PROSER2: variants seen among roughly 807,000 people sequenced by gnomAD.
PROSER2 encodes the protein proline and serine rich 2.
In PROSER2, 18 loss-of-function variants were observed where a neutral mutation model predicts 14.6. The ratio of observed to expected loss-of-function variants is 1.23; its 90% CI spans 0.85 to 1.83. The LOEUF (loss-of-function observed/expected upper bound fraction) is 1.83, where lower values mean the gene tolerates loss of function less well. PROSER2 is among the 40% of genes most tolerant of loss of function. The pLI is 0.00. For synonymous variants in PROSER2, 367 were observed against 286.4 expected, an observed-to-expected ratio of 1.28 and a Z score of -2.84; for missense variants, 823 against 629.8, an observed-to-expected ratio of 1.31 and a Z score of -3.28.
intron 1 of PROSER2, among the ~76,000 whole-genome samples, chr10:11,840,075 C>T (rs925378121): frequency 2.6e-5 from 4 of 151,616 alleles, no homozygotes; most frequent in Admixed American, 2.0e-4. Flanking sequence ...GCCTCAGCCT[C>T]CCAAGTAGCT....
At position 11,838,343 on chromosome 10, in the gene PROSER2, A is replaced by G. The variant is rs753607901; in HGVS notation, c.-81-13654A>G. On this transcript the variant is annotated intron_variant, in intron 1 of 3. Transcript: ENST00000277570. The surrounding 1 kb of genome is among the most constrained non-coding windows in gnomAD (Gnocchi z 4.4). ...GCTTTGAAGGTCTGTGCATGGCCTC[A>G]TCCAGCTGATCTAACTGATGTGCAG... Among the ~76,000 whole-genome samples, 58 of 152,242 alleles carry G rather than the reference A, an allele frequency of 3.8e-4. No homozygotes were observed. The highest frequency in any genetic ancestry group is 1.1e-3 in the Admixed American group (17 of 15,286).
In PROSER2 at chr10:11,866,418, A is replaced by G; in HGVS notation, c.139-113A>G. 1 of 1,286,870 alleles carries G rather than the reference A, an allele frequency of 7.8e-7. No homozygotes were observed. Among genetic ancestry groups the G allele is most frequent in the Non-Finnish European group, 1.1e-6 (1 of 917,594 alleles). 79.7% of individuals were successfully genotyped at this position (1,286,870 alleles called of 1,614,324 possible). ...CTGTGTGGCAGGGTACTCTCGGGAC[A>G]CAGTGAGTTCCGCCCTGGGCTGTGG... On this transcript the variant is annotated intron_variant, in intron 2 of 3. Transcript: ENST00000277570. The surrounding 1 kb of genome is among the most constrained non-coding windows in gnomAD (Gnocchi z 6.0).
At chr10:11,840,297 G>A (rs1275718469) in intron 1 of PROSER2, among the ~76,000 whole-genome samples, 2 of 149,762 alleles carry the variant, frequency 1.3e-5, no homozygotes, top group Non-Finnish European at 3.0e-5. Flanking sequence ...CTCTTATTTA[G>A]TTAACAAAAA....
chr10:11,867,901 G>A (rs1834386538), intron 3 of PROSER2, among the ~76,000 whole-genome samples: 2 of 152,220 alleles, frequency 1.3e-5, no homozygotes, highest in Admixed American at 1.3e-4. Context: ...AACATTGGAA[G>A]GGATGAGGAA....
intron 1 of PROSER2, among the ~76,000 whole-genome samples, chr10:11,848,922 C>T (rs1833969490): frequency 1.3e-5 from 2 of 152,298 alleles, no homozygotes; most frequent in East Asian, 1.9e-4. Flanking sequence ...GGTGTGGTGG[C>T]TCACGCCTGT....
intron 1 of PROSER2, 73 bp from the exon 2 acceptor site, chr10:11,851,924 A>T (rs1834024978): frequency 2.9e-6 from 2 of 688,072 alleles, no homozygotes; most frequent in Admixed American, 8.1e-5. Context: ...AATCTAAGCC[A>T]TGTTTTTGAG....
chr10:11,830,389 C>T lies in PROSER2; in HGVS notation c.-82+6919C>T, dbSNP rs1052145229. ...TCATTTTTATGGCTGAGTAGTCGTC[C>T]GTGGTGTTTATATACCACATTTTCT... On this transcript the variant is annotated intron_variant, in intron 1 of 3. Coordinates refer to ENST00000277570, the MANE Select transcript of PROSER2 (RefSeq NM_153256.4). The surrounding 1 kb of genome is among the most constrained non-coding windows in gnomAD (Gnocchi z 4.5). Among the ~76,000 whole-genome samples the T allele has an allele frequency of 3.9e-5, 6 of 152,130 alleles. No homozygotes were observed. The highest frequency in any genetic ancestry group is 4.8e-5 in the African/African-American group (2 of 41,430).
At chr10:11,857,943 T>C (rs1421767794) in intron 2 of PROSER2, among the ~76,000 whole-genome samples, 4 of 152,030 alleles carry the variant, frequency 2.6e-5, no homozygotes, top group East Asian at 1.9e-4. Context: ...TTCTTTTTTT[T>C]TCCCCCCCAA....
rs374205712 is a variant in PROSER2 at position 11,826,794 on chromosome 10, A to G, written c.-82+3324A>G. 2.1e-4 allele frequency among the ~76,000 whole-genome samples: 32 copies of G among 149,616 alleles called. No individual in the cohort carries two copies. In the East Asian group the frequency reaches 4.0e-3, roughly 19 times the overall value. On this transcript the variant is annotated intron_variant, in intron 1 of 3. Transcript: ENST00000277570. ...TCGGGGTTTCGCCGTGTTAGCCAGG[A>G]TGGTCTTGATCTCCTGACCTCGTGA... is the stretch of plus-strand genomic sequence containing the variant.
rs1834475650 is a variant in PROSER2 at position 11,870,865 on chromosome 10, C to CTTGT, written c.*462_*465dup. 1 of 167,094 alleles carries CTTGT rather than the reference C, an allele frequency of 6.0e-6. No homozygotes were observed. The highest frequency in any genetic ancestry group is 2.1e-4 in the South Asian group (1 of 4,834). The allele number at this position is 167,094 out of a possible 1,614,324, so 10.4% of individuals were successfully genotyped here. A position where few individuals can be genotyped will look rare whatever the true frequency, so the allele number is the denominator to read the frequency against. On this transcript the variant is annotated 3_prime_UTR_variant, in exon 4 of 4. Transcript: ENST00000277570. ...TCTAAGAAAATAATAAAAAAAAATGCTTGTTTCATTTTTTAATGTCTTAAT... is the reference window on the plus strand; with the variant it reads ...TCTAAGAAAATAATAAAAAAAAATGCTTGTTTGTTTCATTTTTTAATGTCTTAAT...
intron 1 of PROSER2, among the ~76,000 whole-genome samples, chr10:11,841,047 T>C (rs1045437491): frequency 6.8e-6 from 1 of 146,066 alleles, no homozygotes; most frequent in African/African-American, 2.5e-5. Flanking sequence ...GTTGGAGTTA[T>C]TTGTTCCTTG....
intron 1 of PROSER2, among the ~76,000 whole-genome samples, chr10:11,831,058 G>C (rs1346782902): frequency 6.6e-6 from 1 of 152,144 alleles, no homozygotes; most frequent in Non-Finnish European, 1.5e-5. Context: ...CTTCCACCCT[G>C]GTGTGGATTT....
chr10:11,833,235 CTTTTTTT>C (rs5783233), intron 1 of PROSER2, among the ~76,000 whole-genome samples: 43 of 87,660 alleles, frequency 4.9e-4, no homozygotes, highest in African/African-American at 1.1e-3. Flanking sequence ...AATGTTGTGG[CTTTTTTT>C]TTTTTTTTTT....
intron 2 of PROSER2, among the ~76,000 whole-genome samples, chr10:11,860,787 CAG>C (rs945459217): frequency 5.3e-5 from 8 of 152,006 alleles, no homozygotes; most frequent in South Asian, 2.1e-4. Flanking sequence ...TGGGAAACAA[CAG>C]AACAAAACCA....
chr10:11,837,245 C>CCT lies in PROSER2; in HGVS notation c.-82+13776_-82+13777dup, dbSNP rs1215484085. Among the ~76,000 whole-genome samples, 1 of 152,172 alleles carries CCT rather than the reference C, an allele frequency of 6.6e-6. No homozygotes were observed. Among genetic ancestry groups the CCT allele is most frequent in the Non-Finnish European group, 1.5e-5 (1 of 68,030 alleles). On this transcript the variant is annotated intron_variant, in intron 1 of 3. Coordinates refer to ENST00000277570, the MANE Select transcript of PROSER2 (RefSeq NM_153256.4). The surrounding 1 kb of genome is among the most constrained non-coding windows in gnomAD (Gnocchi z 4.6). Reference sequence around the variant, plus strand: ...AAATCAAATGCTGAGGTCGCTGAGACCTACTGTAAGAACAAATCATCTTCT... The same window carrying CCT: ...AAATCAAATGCTGAGGTCGCTGAGACCTCTACTGTAAGAACAAATCATCTTCT...
At position 11,869,328 on chromosome 10, in the gene PROSER2, C is replaced by G; in HGVS notation, c.392-162C>G. 1 of 627,408 alleles carries G rather than the reference C, an allele frequency of 1.6e-6. No individual in the cohort carries two copies. Among genetic ancestry groups the G allele is most frequent in the Non-Finnish European group, 2.9e-6 (1 of 347,932 alleles). The allele number at this position is 627,408 out of a possible 1,614,324, so 38.9% of individuals were successfully genotyped here. A position where few individuals can be genotyped will look rare whatever the true frequency, so the allele number is the denominator to read the frequency against. On this transcript the variant is annotated intron_variant, in intron 3 of 3. Coordinates refer to ENST00000277570, the MANE Select transcript of PROSER2 (RefSeq NM_153256.4). This position sits in a 1 kb window ranked among gnomAD's most constrained non-coding sequence, Gnocchi z 4.4. Reference sequence around the variant, plus strand: ...GAGCATGACATACCACCTTCTCCTTCCCTAGTCCCAGGAACAGGGAGAGAG... The same window carrying G: ...GAGCATGACATACCACCTTCTCCTTGCCTAGTCCCAGGAACAGGGAGAGAG...
intron 2 of PROSER2, among the ~76,000 whole-genome samples, chr10:11,863,542 AC>A (rs1327716376): frequency 6.8e-6 from 1 of 146,800 alleles, no homozygotes; most frequent in Non-Finnish European, 1.5e-5. Flanking sequence ...CATCCCCCCC[AC>A]AAAAAAAAAA....
chr10:11,832,207 G>T (rs544334125), intron 1 of PROSER2, among the ~76,000 whole-genome samples: 1 of 152,248 alleles, frequency 6.6e-6, no homozygotes, highest in African/African-American at 2.4e-5. Flanking sequence ...TCAAACTCCA[G>T]AACAAAACTG....
At chr10:11,824,760 G>A (rs1833587563) in intron 1 of PROSER2, among the ~76,000 whole-genome samples, 1 of 152,184 alleles carries the variant, frequency 6.6e-6, no homozygotes, top group South Asian at 2.1e-4. Context: ...AGCTTTCTTT[G>A]AAAATTTTAG....
Sources: gnomAD v4.1 joint callset for allele counts (sites outside exome capture counted in the v4.1 genomes callset) on GRCh38, gnomAD v4.1.1 for gene constraint, Gnocchi (gnomAD v3.1) non-coding constraint, MANE v1.5 for transcripts, NCBI Gene and HGNC (gene_info 2026-07-23, HGNC 2026-07-21) for gene names.